Variants in SLC11A2 observed in about 807,000 individuals in gnomAD.
SLC11A2 encodes natural resistance-associated macrophage protein 2.
In SLC11A2, 38 loss-of-function variants were observed where a neutral mutation model predicts 68.0. That is an observed-to-expected ratio of 0.56 (90% CI 0.43 to 0.73). The LOEUF (loss-of-function observed/expected upper bound fraction) is 0.73, where lower values mean the gene tolerates loss of function less well. Ranked by LOEUF, SLC11A2 falls within the 30% of genes least tolerant of loss-of-function variation. The probability of loss-of-function intolerance (pLI) is 0.00; values close to 1 mark genes in which losing one functional copy is unlikely to be tolerated. For synonymous variants in SLC11A2, 242 were observed against 250.6 expected, an observed-to-expected ratio of 0.97 and a Z score of 0.32; for missense variants, 517 against 690.5, an observed-to-expected ratio of 0.75 and a Z score of 2.82.
chr12:50,986,031 A>G lies in SLC11A2; in HGVS notation c.*2294T>C. On this transcript the variant is annotated 3_prime_UTR_variant, in exon 16 of 16. Transcript: ENST00000262052. Reference sequence around the variant, plus strand: ...TTTTTTTTAATTAGAAACCAAGTTTACATACGGTTAAATGGTTACTAAAAG... The same window carrying G: ...TTTTTTTTAATTAGAAACCAAGTTTGCATACGGTTAAATGGTTACTAAAAG... 1 of 1,173,746 alleles carries G rather than the reference A, an allele frequency of 8.5e-7. No homozygotes were observed. 72.7% of individuals were successfully genotyped at this position (1,173,746 alleles called of 1,614,324 possible).
chr12:51,014,540 T>C (rs1254200175), intron 1 of SLC11A2, among the ~76,000 whole-genome samples: 1 of 152,224 alleles, frequency 6.6e-6, no homozygotes, highest in Non-Finnish European at 1.5e-5. Flanking sequence ...ACTACATGTT[T>C]CATTACAGTG....
chr12:51,011,552 G>GTTTTTTTTTT (rs772957287), intron 1 of SLC11A2, among the ~76,000 whole-genome samples: 268 of 124,876 alleles, frequency 2.1e-3, no homozygotes, highest in East Asian at 3.0e-3. Flanking sequence ...TTTATGAGTT[G>GTTTTTTTTTT]TTTTTTTTTG....
chr12:50,967,133 A>G, the SLC11A2 span, among the ~76,000 whole-genome samples: 5 of 150,508 alleles, frequency 3.3e-5, no homozygotes, highest in African/African-American at 9.8e-5. Flanking sequence ...AAAAAGAAAG[A>G]GAAATAGGGT....
chr12:50,980,864 C>G (rs567969018), downstream of SLC11A2: 1 of 152,308 alleles, frequency 6.6e-6, no homozygotes, highest in African/African-American at 2.4e-5. Flanking sequence ...TCAGGACTTA[C>G]AAGCTAAATG....
At chr12:50,965,917 G>A in the SLC11A2 span, among the ~76,000 whole-genome samples, 1 of 152,168 alleles carries the variant, frequency 6.6e-6, no homozygotes, top group Non-Finnish European at 1.5e-5. Flanking sequence ...CTCAATTCTA[G>A]GAATTGGTCA....
At chr12:50,995,489 G>A (rs1941618337) in intron 10 of SLC11A2, 140 bp downstream of exon 10, 4 of 890,200 alleles carry the variant, frequency 4.5e-6, no homozygotes, top group Admixed American at 2.0e-5. Flanking sequence ...GGTGCACAGT[G>A]ATTTTGGGGG....
At chr12:50,985,675 T>C (rs769333398), downstream of SLC11A2, among the ~76,000 whole-genome samples, 17 of 152,150 alleles carry the variant, frequency 1.1e-4, no homozygotes, top group Non-Finnish European at 1.9e-4. Flanking sequence ...AGGTAGAAAA[T>C]AGTCAGCTTA....
At chr12:51,003,601 A>G (rs1302084633) in intron 5 of SLC11A2, among the ~76,000 whole-genome samples, 1 of 149,858 alleles carries the variant, frequency 6.7e-6, no homozygotes, top group South Asian at 2.1e-4. Context: ...ATATATAATT[A>G]TTATTACAAA....
At chr12:51,001,852 C>G (rs976334743) in intron 5 of SLC11A2, among the ~76,000 whole-genome samples, 1 of 151,966 alleles carries the variant, frequency 6.6e-6, no homozygotes, top group Non-Finnish European at 1.5e-5. Flanking sequence ...ACCACCACCA[C>G]AACAACAGAA....
intron 1 of SLC11A2, among the ~76,000 whole-genome samples, chr12:51,018,566 G>A (rs189503720): frequency 6.0e-5 from 9 of 151,062 alleles, no homozygotes; most frequent in East Asian, 1.9e-4. Context: ...AGGCCAAGGC[G>A]AGCAGAGTTC....
the SLC11A2 span, among the ~76,000 whole-genome samples, chr12:50,971,852 T>C: frequency 6.6e-6 from 1 of 152,240 alleles, no homozygotes; most frequent in African/African-American, 2.4e-5. Context: ...TGTAAGAATA[T>C]ATGAAAATAT....
intron 5 of SLC11A2, among the ~76,000 whole-genome samples, chr12:51,002,095 C>A (rs1942297996): frequency 6.6e-6 from 1 of 152,284 alleles, no homozygotes; most frequent in East Asian, 1.9e-4. Flanking sequence ...CACCTATAAT[C>A]CCTGAACTTT....
At chr12:50,989,114 A>G (rs1260119766) in intron 15 of SLC11A2, among the ~76,000 whole-genome samples, 1 of 152,178 alleles carries the variant, frequency 6.6e-6, no homozygotes, top group African/African-American at 2.4e-5. Flanking sequence ...CAATTGGTGT[A>G]GTCTCCTAAG....
At chr12:51,026,461 C>G, upstream of SLC11A2, 2 of 789,048 alleles carry the variant, frequency 2.5e-6, no homozygotes, top group African/African-American at 1.8e-5. Flanking sequence ...GTCCCTGCAG[C>G]GGCCGGGATG....
chr12:50,984,092 G>A (rs1045267209), downstream of SLC11A2, among the ~76,000 whole-genome samples: 2 of 151,484 alleles, frequency 1.3e-5, no homozygotes, highest in Admixed American at 1.3e-4. Flanking sequence ...TCATAGCACT[G>A]CACTCCAGCC....
the SLC11A2 span, among the ~76,000 whole-genome samples, chr12:50,973,603 C>T: frequency 1.3e-5 from 2 of 152,308 alleles, no homozygotes; most frequent in East Asian, 3.9e-4. Flanking sequence ...CAAAGGAATG[C>T]AGCTCCTCAC....
intron 14 of SLC11A2, 77 bp from the exon 15 acceptor site, chr12:50,991,025 T>A: frequency 2.4e-6 from 3 of 1,261,638 alleles, no homozygotes; most frequent in Non-Finnish European, 3.5e-6. Flanking sequence ...AGGATGGGAA[T>A]TAGAGGCAGT....
At chr12:51,008,219 T>TAGAC (rs1181488289) in intron 3 of SLC11A2, 3 of 266,286 alleles carry the variant, frequency 1.1e-5, no homozygotes, top group African/African-American at 8.7e-5. Context: ...AAAGATTAGA[T>TAGAC]AGACAGATAG....
At position 50,986,842 on chromosome 12, in the gene SLC11A2, C is replaced by A. The variant is rs757190615; in HGVS notation, c.*1483G>T. On this transcript the variant is annotated 3_prime_UTR_variant, in exon 16 of 16. Coordinates refer to ENST00000262052, the MANE Select transcript of SLC11A2 (RefSeq NM_000617.3). ...TATAAAAGACCATCCATCCAGTCTG[C>A]GCTTTTGACTGTGTGCAAGTATCAG... 4 of 1,287,024 alleles carry A rather than the reference C, an allele frequency of 3.1e-6. No individual in the cohort carries two copies. Among genetic ancestry groups the A allele is most frequent in the Admixed American group, 4.6e-5 (2 of 43,526 alleles). 79.7% of individuals were successfully genotyped at this position (1,287,024 alleles called of 1,614,324 possible). A position where few individuals can be genotyped will look rare whatever the true frequency, so the allele number is the denominator to read the frequency against.
Sources: allele counts gnomAD v4.1 joint callset (sites outside exome capture counted in the v4.1 genomes callset), GRCh38; gene constraint gnomAD v4.1.1; transcripts MANE v1.5; gene names NCBI Gene and HGNC (gene_info 2026-07-23, HGNC 2026-07-21).